The following CRYBG1 variants were observed in gnomAD, a reference collection of about 807,000 sequenced individuals.
CRYBG1 encodes the protein beta/gamma crystallin domain-containing protein 1.
CRYBG1 carries 139 observed loss-of-function variants against 189.2 expected under a neutral mutation model. The ratio of observed to expected loss-of-function variants is 0.73; its 90% CI spans 0.64 to 0.85. CRYBG1 has a LOEUF of 0.85. CRYBG1 is among the 40% of genes least tolerant of loss of function. CRYBG1 has a pLI of 0.00. For synonymous variants in CRYBG1, 1,023 were observed against 1,017.1 expected, an observed-to-expected ratio of 1.01 and a Z score of -0.11; for missense variants, 2,611 against 2,675.8, an observed-to-expected ratio of 0.98 and a Z score of 0.53.
At chr6:106,528,028 G>T (rs1401803609) in intron 7 of CRYBG1, among the ~76,000 whole-genome samples, 4 of 152,154 alleles carry the variant, frequency 2.6e-5, no homozygotes, top group Admixed American at 2.0e-4. Flanking sequence ...AGGATTTGAT[G>T]ATTCTTTACC....
intron 2 of CRYBG1, among the ~76,000 whole-genome samples, chr6:106,474,749 G>A (rs1772301692): frequency 6.6e-6 from 1 of 152,154 alleles, no homozygotes. Flanking sequence ...GGCGTAGGAG[G>A]TCACTTGTAG....
rs373644273 is a variant in CRYBG1, at chr6:106,377,621, T to TTATATATATATATATATATATATATATA, written c.173+16567_173+16568insATATATATATATATATATATATATATAT. Reference sequence around the variant, plus strand: ...TGTGTAACTCATAAGTCCTAAGGTTTTATATATATATATATATATATATAT... The same window carrying TTATATATATATATATATATATATATATA: ...TGTGTAACTCATAAGTCCTAAGGTTTTATATATATATATATATATATATATATATATATATATATATATATATATATAT... On this transcript the variant is annotated intron_variant, in intron 1 of 21. Transcript: ENST00000633556. 5.8e-3 allele frequency among the ~76,000 whole-genome samples: 399 copies of TTATATATATATATATATATATATATATA among 69,368 alleles called. 26 individuals are homozygous for TTATATATATATATATATATATATATATA. The highest frequency in any genetic ancestry group is 8.4e-3 in the African/African-American group (234 of 28,008). 45.5% of individuals were successfully genotyped at this position (69,368 alleles called of 152,430 possible). A position where few individuals can be genotyped will look rare whatever the true frequency, so the allele number is the denominator to read the frequency against.
intron 1 of CRYBG1, among the ~76,000 whole-genome samples, chr6:106,391,000 T>G (rs1167802608): frequency 2.0e-5 from 3 of 152,198 alleles, no homozygotes; most frequent in Non-Finnish European, 4.4e-5. Context: ...ACTTTCAGAC[T>G]GTTTTCCGAA....
chr6:106,473,655 G>A (rs1317560162), intron 2 of CRYBG1, among the ~76,000 whole-genome samples: 3 of 152,172 alleles, frequency 2.0e-5, no homozygotes, highest in South Asian at 2.1e-4. Context: ...GTTAACCACT[G>A]ACCTAGATGA....
chr6:106,445,080 G>A (rs1406280633), intron 1 of CRYBG1, among the ~76,000 whole-genome samples: 1 of 152,222 alleles, frequency 6.6e-6, no homozygotes, highest in Non-Finnish European at 1.5e-5. Context: ...AGGATGAGTA[G>A]AGGAGTGATA....
chr6:106,398,542 A>G (rs1208475191), intron 1 of CRYBG1, among the ~76,000 whole-genome samples: 24 of 152,174 alleles, frequency 1.6e-4, no homozygotes, highest in Admixed American at 1.6e-3. Context: ...AATCTATTCT[A>G]TAAAATATAC....
rs1489535563 is a variant in CRYBG1 at position 106,570,470 on chromosome 6, C to T, written c.*1904C>T. The T allele has an allele frequency of 6.6e-6, 1 of 152,212 alleles. No individual in the cohort carries two copies. Among genetic ancestry groups the T allele is most frequent in the African/African-American group, 2.4e-5 (1 of 41,454 alleles). The allele number at this position is 152,212 out of a possible 1,614,324, so 9.4% of individuals were successfully genotyped here. A position where few individuals can be genotyped will look rare whatever the true frequency, so the allele number is the denominator to read the frequency against. On this transcript the variant is annotated 3_prime_UTR_variant, in exon 22 of 22. Transcript: ENST00000633556. ...AACTATGTTGATGAAATCTGAGAGT[C>T]CATTCAGTAGCCCTCATCTCACCCT... is the stretch of plus-strand genomic sequence containing the variant.
intron 2 of CRYBG1, among the ~76,000 whole-genome samples, chr6:106,452,396 C>A (rs1168356383): frequency 1.4e-5 from 2 of 148,070 alleles, no homozygotes; most frequent in African/African-American, 5.0e-5. Context: ...TGCACTCCAG[C>A]CTGAGTGACA....
intron 2 of CRYBG1, among the ~76,000 whole-genome samples, chr6:106,492,764 C>T (rs1361284710): frequency 2.0e-5 from 3 of 152,086 alleles, no homozygotes; most frequent in South Asian, 2.1e-4. Context: ...TTCTTCCTTC[C>T]CTTTTACCTC....
intron 4 of CRYBG1, among the ~76,000 whole-genome samples, chr6:106,522,528 G>A (rs998921436): frequency 1.3e-5 from 2 of 152,090 alleles, no homozygotes; most frequent in African/African-American, 2.4e-5. Context: ...TGTGAATTGC[G>A]CCTTTTTGTT....
chr6:106,436,338 G>T (rs1465926766), intron 1 of CRYBG1, among the ~76,000 whole-genome samples: 103 of 139,660 alleles, frequency 7.4e-4, no homozygotes, highest in African/African-American at 2.6e-3. Context: ...TCGCTCTGTT[G>T]CCTAGGCTGG....
chr6:106,386,594 T>C (rs1170383616), intron 1 of CRYBG1, among the ~76,000 whole-genome samples: 1 of 150,966 alleles, frequency 6.6e-6, no homozygotes, highest in Non-Finnish European at 1.5e-5. Context: ...CGTGCATCAC[T>C]GCCCCAGCTC....
At chr6:106,422,677 G>C (rs543464670) in intron 1 of CRYBG1, among the ~76,000 whole-genome samples, 1 of 152,250 alleles carries the variant, frequency 6.6e-6, no homozygotes, top group African/African-American at 2.4e-5. Flanking sequence ...ATCATCTTCT[G>C]CTACTGTGAC....
Position 106,477,032 on chromosome 6 carries a change from A to G in CRYBG1, c.312+25200A>G, listed in dbSNP as rs184631076. 6.2e-4 allele frequency among the ~76,000 whole-genome samples: 95 copies of G among 152,286 alleles called. 1 individual carries two copies. Among genetic ancestry groups the G allele is most frequent in the Non-Finnish European group, 3.7e-4 (25 of 68,020 alleles). On this transcript the variant is annotated intron_variant, in intron 2 of 21. Transcript: ENST00000633556. ...CCTACCATAAGTATTTGGTATTGTTATTATTATTGGACCCCCAGAAAATAT... is the reference window on the plus strand; with the variant it reads ...CCTACCATAAGTATTTGGTATTGTTGTTATTATTGGACCCCCAGAAAATAT...
At chr6:106,410,862 G>A (rs749137913) in intron 1 of CRYBG1, among the ~76,000 whole-genome samples, 2 of 152,134 alleles carry the variant, frequency 1.3e-5, no homozygotes, top group South Asian at 2.1e-4. Context: ...CTGTTGTGGG[G>A]TGGGGAGGCT....
At chr6:106,460,576 T>C (rs1006547858) in intron 2 of CRYBG1, among the ~76,000 whole-genome samples, 3 of 152,016 alleles carry the variant, frequency 2.0e-5, no homozygotes, top group Non-Finnish European at 4.4e-5. Flanking sequence ...GGGGAAAAAT[T>C]GTAATGAGAA....
intron 1 of CRYBG1, among the ~76,000 whole-genome samples, chr6:106,364,893 T>A (rs1211407589): frequency 6.6e-6 from 1 of 152,242 alleles, no homozygotes; most frequent in Non-Finnish European, 1.5e-5. Context: ...TCATAAGAGT[T>A]GTTATAAAAA....
rs1451540815 is a variant in CRYBG1 at position 106,570,017 on chromosome 6, A to C, written c.*1451A>C. On this transcript the variant is annotated 3_prime_UTR_variant, in exon 22 of 22. Transcript: ENST00000633556. ...CAGTAAGCATTTCAAAATGCAAACA[A>C]ACTGCTTAACAACTGACAAGACACC... The C allele has an allele frequency of 6.6e-6, 1 of 152,242 alleles. No homozygotes were observed. The highest frequency in any genetic ancestry group is 1.5e-5 in the Non-Finnish European group (1 of 68,038). 9.4% of individuals were successfully genotyped at this position (152,242 alleles called of 1,614,324 possible).
intron 17 of CRYBG1, 27 bp from the exon 18 acceptor site, chr6:106,558,459 C>T (rs746469251): frequency 1.9e-5 from 29 of 1,528,222 alleles, no homozygotes; most frequent in Non-Finnish European, 2.6e-5. Flanking sequence ...AGATGAATAA[C>T]AGAACATTGT....
Sources: gnomAD v4.1 joint callset for allele counts (sites outside exome capture counted in the v4.1 genomes callset) on GRCh38, gnomAD v4.1.1 for gene constraint, MANE v1.5 for transcripts, NCBI Gene and HGNC (gene_info 2026-07-23, HGNC 2026-07-21) for gene names.